The following KCNJ10 variants were observed in gnomAD, a reference collection of about 807,000 sequenced individuals.
The protein encoded by KCNJ10 is potassium inwardly rectifying channel subfamily J member 10.
A neutral mutation model predicts 22.2 loss-of-function variants in KCNJ10; 9 were observed. The observed-to-expected ratio is 0.40, with a 90% confidence interval of 0.24 to 0.71. The LOEUF is 0.71. Among genes scored for constraint, KCNJ10 ranks in the 30% least tolerant of loss-of-function variants. The pLI, the probability that KCNJ10 is intolerant of heterozygous loss-of-function variation, is 0.35. For synonymous variants in KCNJ10, 184 were observed against 187.3 expected (o/e 0.98, Z 0.15); for missense variants, 337 against 482.7 (o/e 0.70, Z 2.83).
At position 160,067,810 on chromosome 1, in the gene KCNJ10, C is replaced by T. The variant is rs2101937598; in HGVS notation, c.-1+2212G>A. 2.6e-5 allele frequency: 4 copies of T among 152,282 alleles called. No individual in the cohort carries two copies. The Middle Eastern group carries it at 0.01, about 388-fold the overall frequency. 9.4% of individuals were successfully genotyped at this position (152,282 alleles called of 1,614,324 possible). A position where few individuals can be genotyped will look rare whatever the true frequency, so the allele number is the denominator to read the frequency against. On this transcript the variant is annotated intron_variant, in intron 1 of 1. Transcript: ENST00000644903. ...TTTTACCAGGAGGCTCAGGAGTATCCTTTGAGGAAACAGATCTTTCTGCAT... is the reference window on the plus strand; with the variant it reads ...TTTTACCAGGAGGCTCAGGAGTATCTTTTGAGGAAACAGATCTTTCTGCAT...
intron 1 of KCNJ10, among the ~76,000 whole-genome samples, chr1:160,060,747 C>T (rs1037285278): frequency 2.0e-5 from 3 of 152,162 alleles, no homozygotes; most frequent in African/African-American, 7.2e-5. Context: ...CTCCCAACTG[C>T]TAGAAGATGC....
intron 1 of KCNJ10, among the ~76,000 whole-genome samples, chr1:160,054,141 T>C (rs938715269): frequency 6.6e-6 from 1 of 152,212 alleles, no homozygotes; most frequent in African/African-American, 2.4e-5. Context: ...CTGTGACAAG[T>C]GGGTGCTGCC....
chr1:160,064,046 G>C (rs1303132283), intron 1 of KCNJ10, among the ~76,000 whole-genome samples: 1 of 152,154 alleles, frequency 6.6e-6, no homozygotes, highest in Non-Finnish European at 1.5e-5. Context: ...AACTTAACAT[G>C]ATGAACCACT....
chr1:160,060,399 G>A (rs938548243), intron 1 of KCNJ10, among the ~76,000 whole-genome samples: 1 of 152,158 alleles, frequency 6.6e-6, no homozygotes, highest in African/African-American at 2.4e-5. Context: ...AGGGCTGGGG[G>A]AGGTGTGTTC....
intron 1 of KCNJ10, among the ~76,000 whole-genome samples, chr1:160,046,968 ACCTTCTTTCTCCT>A (rs564031006): frequency 1.3e-5 from 2 of 152,220 alleles, no homozygotes; most frequent in Non-Finnish European, 2.9e-5. Context: ...AGAGATATTC[ACCTTCTTTCTCCT>A]CTAAGACTGA....
chr1:160,056,359 C>A (rs934263890), intron 1 of KCNJ10, among the ~76,000 whole-genome samples: 1 of 152,234 alleles, frequency 6.6e-6, no homozygotes, highest in Non-Finnish European at 1.5e-5. Context: ...CTGTTCACAG[C>A]CTCCCCTGGA....
At chr1:160,043,154 C>T (rs1370501706) in intron 1 of KCNJ10, among the ~76,000 whole-genome samples, 2 of 151,984 alleles carry the variant, frequency 1.3e-5, no homozygotes, top group Admixed American at 1.3e-4. Flanking sequence ...GCCTTCACCA[C>T]AAAACCAGTC....
At chr1:160,063,134 T>C (rs1192917983) in intron 1 of KCNJ10, among the ~76,000 whole-genome samples, 1 of 151,944 alleles carries the variant, frequency 6.6e-6, no homozygotes, top group South Asian at 2.1e-4. Context: ...AAGCTTCCCT[T>C]CTCCTGCCCA....
Position 160,050,732 on chromosome 1 carries a change from C to T in KCNJ10, c.1-8200G>A, listed in dbSNP as rs527433373. 4.6e-5 allele frequency among the ~76,000 whole-genome samples: 7 copies of T among 152,178 alleles called. No homozygotes were observed. The South Asian group carries it at 8.3e-4, about 18-fold the overall frequency. The stretch of plus-strand genomic sequence containing the variant: ...AAGGATCCATTCATTTTGGTTGAAG[C>T]GTTGGGAGCACATGAAAGATCTTAA... On this transcript the variant is annotated intron_variant, in intron 1 of 1. Coordinates refer to ENST00000644903, the MANE Select transcript of KCNJ10 (RefSeq NM_002241.5).
rs1490710337 is a variant in KCNJ10 at position 160,041,352 on chromosome 1, A to T, written c.*41T>A. 1 of 1,588,562 alleles carries T rather than the reference A, an allele frequency of 6.3e-7. No homozygotes were observed. Among genetic ancestry groups the T allele is most frequent in the Non-Finnish European group, 8.6e-7 (1 of 1,161,642 alleles). ...ATTCCTTACCAGGGCATTGGAAGAG[A>T]GGAAAAGAGACCAGAGGAATGGGGG... On this transcript the variant is annotated 3_prime_UTR_variant, in exon 2 of 2. Coordinates refer to ENST00000644903, the MANE Select transcript of KCNJ10 (RefSeq NM_002241.5). This position sits in a 1 kb window ranked among gnomAD's most constrained non-coding sequence, Gnocchi z 4.4.
Position 160,042,370 on chromosome 1 carries a change from G to T in KCNJ10, c.163C>A (p.Leu55Met), listed in dbSNP as rs1432570156. 6.2e-7 allele frequency: 1 copy of T among 1,613,986 alleles called. No homozygotes were observed. The highest frequency in any genetic ancestry group is 8.5e-7 in the Non-Finnish European group (1 of 1,179,816). ...ADKRFLYLKD[L>M]WTTFIDMQWR... Reference sequence around the variant, plus strand: ...TGCATGTCAATGAAGGTTGTCCACAGGTCCTTGAGGTAGAGGAAGCGCTTG... The same window carrying T: ...TGCATGTCAATGAAGGTTGTCCACATGTCCTTGAGGTAGAGGAAGCGCTTG... The change falls in exon 2 of 2, where the codon CTG becomes ATG. Residue 55 changes from leucine (L) to methionine (M), a missense_variant. Transcript: ENST00000644903.
chr1:160,045,899 A>G (rs1316212995), intron 1 of KCNJ10, among the ~76,000 whole-genome samples: 1 of 152,236 alleles, frequency 6.6e-6, no homozygotes, highest in Non-Finnish European at 1.5e-5. Context: ...GGGAGTTCAT[A>G]CTGCAGGGAT....
chr1:160,057,649 C>G (rs1286306800), intron 1 of KCNJ10, among the ~76,000 whole-genome samples: 3 of 152,196 alleles, frequency 2.0e-5, no homozygotes, highest in Non-Finnish European at 4.4e-5. Flanking sequence ...CTAGGATGGC[C>G]AGGGCCCTGG....
chr1:160,048,780 C>T (rs1648810624), intron 1 of KCNJ10, among the ~76,000 whole-genome samples: 1 of 152,236 alleles, frequency 6.6e-6, no homozygotes, highest in African/African-American at 2.4e-5. Context: ...CAACATTTAT[C>T]TAAAGCCATG....
chr1:160,042,299 T>C lies in KCNJ10; in HGVS notation c.234A>G (p.Thr78=), dbSNP rs748359138. ...ACCACACCACGCCAAAGAGGAACCATGTGCCTGCAAAGGTCGCAGAGAAGA... is the reference window on the plus strand; with the variant it reads ...ACCACACCACGCCAAAGAGGAACCACGTGCCTGCAAAGGTCGCAGAGAAGA... ...LLLFSATFAG[T]WFLFGVVWYL... is the part of the protein sequence containing the mutation. Residue 78 remains threonine (T), a synonymous_variant, in exon 2 of 2, where the codon ACA becomes ACG. Transcript: ENST00000644903. 8 of 1,613,672 alleles carry C rather than the reference T, an allele frequency of 5.0e-6. No individual in the cohort carries two copies. The highest frequency in any genetic ancestry group is 1.7e-5 in the Admixed American group (1 of 59,996).
rs562677885 is a variant in KCNJ10 at position 160,056,878 on chromosome 1, G to A, written c.-1+13144C>T. Among the ~76,000 whole-genome samples the A allele has an allele frequency of 2.0e-5, 3 of 152,292 alleles. No homozygotes were observed. The East Asian group carries it at 5.8e-4, about 29-fold the overall frequency. On this transcript the variant is annotated intron_variant, in intron 1 of 1. Coordinates refer to ENST00000644903, the MANE Select transcript of KCNJ10 (RefSeq NM_002241.5). ...ATCACAGTGCTTTTTATCTGACTGA[G>A]CCTCAGAATCATCCTCAATATGGTG...
In KCNJ10 at chr1:160,042,488, T is replaced by G. The variant is rs1648635024; in HGVS notation, c.45A>C (p.Thr15=). 6.2e-7 allele frequency: 1 copy of G among 1,614,080 alleles called. No homozygotes were observed. Among genetic ancestry groups the G allele is most frequent in the Admixed American group, 1.7e-5 (1 of 59,994 alleles). The part of the protein sequence containing the change: ...AKVYYSQTTQ[T]ESRPLMGPGI... ...CTGGGCCCATTAGGGGCCGGCTTTCTGTCTGAGTGGTCTGACTGTAATACA... is the reference window on the plus strand; with the variant it reads ...CTGGGCCCATTAGGGGCCGGCTTTCGGTCTGAGTGGTCTGACTGTAATACA... The change falls in exon 2 of 2, where the codon ACA becomes ACC. Residue 15 remains threonine, a synonymous_variant. Transcript: ENST00000644903.
chr1:160,068,831 C>A (rs1209187288), intron 1 of KCNJ10, among the ~76,000 whole-genome samples: 2 of 152,172 alleles, frequency 1.3e-5, no homozygotes, highest in African/African-American at 4.8e-5. Flanking sequence ...GGCTGCCCAC[C>A]CCTCCTGGGG....
At chr1:160,067,465 A>AT (rs1649347231) in intron 1 of KCNJ10, among the ~76,000 whole-genome samples, 1 of 152,190 alleles carries the variant, frequency 6.6e-6, no homozygotes, top group Non-Finnish European at 1.5e-5. Context: ...AAACACTTAG[A>AT]TTTTAAATCT....
Sources: allele counts gnomAD v4.1 joint callset (sites outside exome capture counted in the v4.1 genomes callset), GRCh38; gene constraint gnomAD v4.1.1; non-coding constraint Gnocchi (gnomAD v3.1); transcripts MANE v1.5; gene names NCBI Gene and HGNC (gene_info 2026-07-23, HGNC 2026-07-21).